Variants in ACTL7A observed in about 807,000 individuals in gnomAD.
The protein encoded by ACTL7A is actin like 7A, also known as actin-like protein 7A.
ACTL7A carries 27 observed loss-of-function variants against 30.3 expected under a neutral mutation model. The observed-to-expected ratio is 0.89, with a 90% CI of 0.66 to 1.23. The LOEUF is 1.23. Among genes scored for constraint, ACTL7A ranks in the 50% most tolerant of loss-of-function variants. The probability of loss-of-function intolerance (pLI) is 0.00; values close to 1 mark genes in which losing one functional copy is unlikely to be tolerated. For missense variants in ACTL7A, 566 were observed against 571.8 expected (o/e 0.99, Z 0.10); for synonymous variants, 259 against 241.4 (o/e 1.07, Z -0.67).
rs1827173607 is a variant in ACTL7A, at chr9:108,862,352, G to A, written c.30G>A (p.Gly10=). The part of the protein sequence containing the change: MWAPPAAIM[G]DGPTKKVGNQ... ...GGGCTCCACCAGCAGCAATCATGGG[G>A]GATGGGCCCACCAAGAAGGTGGGCA... The change falls in exon 1 of 1, where the codon GGG becomes GGA. Residue 10 remains glycine (G), a synonymous_variant. Coordinates refer to ENST00000333999, the MANE Select transcript of ACTL7A (RefSeq NM_006687.4). 1.2e-6 allele frequency: 2 copies of A among 1,613,148 alleles called. No individual in the cohort carries two copies. The highest frequency in any genetic ancestry group is 1.7e-5 in the Admixed American group (1 of 59,866).
chr9:108,863,386 T>C lies in ACTL7A; in HGVS notation c.1064T>C (p.Met355Thr). Residue 355 changes from methionine to threonine, a missense_variant, in exon 1 of 1, where the codon ATG (methionine) becomes ACG (threonine). Transcript: ENST00000333999. ...GACATCGCCCTCAAACGGGACCTCATGGGGAACATCCTGCTCTGCGGGGGC... is the reference window on the plus strand; with the variant it reads ...GACATCGCCCTCAAACGGGACCTCACGGGGAACATCCTGCTCTGCGGGGGC... ...KCDIALKRDLMGNILLCGGST... is the reference protein window; with the variant it reads ...KCDIALKRDLTGNILLCGGST... 2 of 1,614,156 alleles carry C rather than the reference T, an allele frequency of 1.2e-6. No homozygotes were observed. The highest frequency in any genetic ancestry group is 1.7e-6 in the Non-Finnish European group (2 of 1,180,018).
chr9:108,862,396 C>T lies in ACTL7A; in HGVS notation c.74C>T (p.Thr25Ile). ...KKVGNQAPLQ[T>I]QALQTASLRD... ...GTGGGCAACCAGGCCCCCCTGCAGA[C>T]ACAGGCCCTCCAGACTGCCTCTTTA... The change falls in exon 1 of 1, where the codon ACA becomes ATA. Residue 25 changes from threonine (T) to isoleucine (I), a missense_variant. By Grantham distance (89) the Thr-to-Ile change is moderately conservative. Coordinates refer to ENST00000333999, the MANE Select transcript of ACTL7A (RefSeq NM_006687.4). The T allele has an allele frequency of 6.2e-7, 1 of 1,614,102 alleles. No individual in the cohort carries two copies. Among genetic ancestry groups the T allele is most frequent in the Middle Eastern group, 1.6e-4 (1 of 6,062 alleles).
chr9:108,862,970 G>A lies in ACTL7A; in HGVS notation c.648G>A (p.Val216=), dbSNP rs746348823. The A allele has an allele frequency of 1.2e-5, 20 of 1,609,392 alleles. No homozygotes were observed. The highest frequency in any genetic ancestry group is 1.5e-5 in the Non-Finnish European group (18 of 1,177,170). Reference sequence around the variant, plus strand: ...CCTATGGAAGGACCTCCGGCCTGGTGGTGGAGGTGGGCCATGGCGTGTCCT... The same window carrying A: ...CCTATGGAAGGACCTCCGGCCTGGTAGTGGAGGTGGGCCATGGCGTGTCCT... ...MYSYGRTSGL[V]VEVGHGVSYV... Residue 216 remains valine (V), a synonymous_variant, in exon 1 of 1, where the codon GTG becomes GTA. Coordinates refer to ENST00000333999, the MANE Select transcript of ACTL7A (RefSeq NM_006687.4).
rs774093609 is a variant in ACTL7A, at chr9:108,863,091, C to A, written c.769C>A (p.Leu257Met). 2 of 1,614,136 alleles carry A rather than the reference C, an allele frequency of 1.2e-6. No homozygotes were observed. Among genetic ancestry groups the A allele is most frequent in the Admixed American group, 3.3e-5 (2 of 60,018 alleles). The change falls in exon 1 of 1, where the codon CTG (leucine) becomes ATG (methionine). Residue 257 changes from leucine to methionine, a missense_variant. By Grantham distance (15) the Leu-to-Met change is conservative (BLOSUM62 2). Transcript: ENST00000333999. ...SDLTAYLLGL[L>M]NSAGNEFTQD... Reference sequence around the variant, plus strand: ...CCTGACAGCCTACCTGCTGGGCCTGCTGAACAGTGCGGGGAACGAATTCAC... The same window carrying A: ...CCTGACAGCCTACCTGCTGGGCCTGATGAACAGTGCGGGGAACGAATTCAC...
chr9:108,863,698 CAG>C lies in ACTL7A; in HGVS notation c.*69_*70del, dbSNP rs886621305. The C allele has an allele frequency of 6.5e-5, 94 of 1,451,486 alleles. No individual in the cohort carries two copies. Among genetic ancestry groups the C allele is most frequent in the African/African-American group, 9.9e-5 (7 of 71,048 alleles). 89.9% of individuals were successfully genotyped at this position (1,451,486 alleles called of 1,614,324 possible). Reference sequence around the variant, plus strand: ...GACAGGGTGAGCGCACTCCTACACACAGGGGGTGGAGCCGGCGCTTATTCCTG... The same window carrying C: ...GACAGGGTGAGCGCACTCCTACACACGGGGTGGAGCCGGCGCTTATTCCTG... On this transcript the variant is annotated 3_prime_UTR_variant, in exon 1 of 1. Coordinates refer to ENST00000333999, the MANE Select transcript of ACTL7A (RefSeq NM_006687.4).
exon 1 of ACTL7A, chr9:108,863,754 CCA>C: frequency 1.2e-6 from 1 of 851,204 alleles, no homozygotes; most frequent in Non-Finnish European, 1.8e-6. Context: ...ATATGCCCCT[CCA>C]CAGTGTGTTT....
chr9:108,863,502 G>T lies in ACTL7A; in HGVS notation c.1180G>T (p.Glu394Ter). The T allele has an allele frequency of 1.2e-6, 2 of 1,614,232 alleles. No individual in the cohort carries two copies. Among genetic ancestry groups the T allele is most frequent in the Non-Finnish European group, 1.7e-6 (2 of 1,180,046 alleles). Residue 394 changes from glutamate (E) to a stop codon, truncating the protein, a stop_gained, in exon 1 of 1, where the codon GAA becomes TAA. Coordinates refer to ENST00000333999, the MANE Select transcript of ACTL7A (RefSeq NM_006687.4). LOFTEE classifies it high-confidence loss of function. ...NDTPQVNVLP[E>*]RDSAVWTGGS... is the part of the protein sequence containing the mutation. The stretch of plus-strand genomic sequence containing the variant: ...CACCCCGCAGGTAAACGTGCTGCCT[G>T]AAAGAGACAGTGCCGTGTGGACCGG...
rs763615233 is a variant in ACTL7A at position 108,863,376 on chromosome 9, C to T, written c.1054C>T (p.Arg352Trp). The T allele has an allele frequency of 1.4e-5, 23 of 1,614,200 alleles. No homozygotes were observed. The highest frequency in any genetic ancestry group is 1.7e-5 in the Non-Finnish European group (20 of 1,180,036). The change falls in exon 1 of 1, where the codon CGG becomes TGG. Residue 352 changes from arginine (R) to tryptophan (W), a missense_variant. Physicochemically the swap from Arg to Trp is moderately radical, Grantham distance 101 (BLOSUM62 -3). Coordinates refer to ENST00000333999, the MANE Select transcript of ACTL7A (RefSeq NM_006687.4). Reference protein sequence around the residue: ...CLNKCDIALKRDLMGNILLCG... With the variant: ...CLNKCDIALKWDLMGNILLCG... Reference sequence around the variant, plus strand: ...TAACAAGTGTGACATCGCCCTCAAACGGGACCTCATGGGGAACATCCTGCT... The same window carrying T: ...TAACAAGTGTGACATCGCCCTCAAATGGGACCTCATGGGGAACATCCTGCT...
rs150570578 is a variant in ACTL7A, at chr9:108,862,363, C to T, written c.41C>T (p.Thr14Ile). 3.6e-5 allele frequency: 58 copies of T among 1,613,484 alleles called. No individual in the cohort carries two copies. The highest frequency in any genetic ancestry group is 4.7e-5 in the Non-Finnish European group (56 of 1,179,928). Residue 14 changes from threonine to isoleucine, a missense_variant, in exon 1 of 1, where the codon ACC (threonine) becomes ATC (isoleucine). Thr to Ile is a moderately conservative substitution (Grantham distance 89, BLOSUM62 -1). Transcript: ENST00000333999. Reference protein sequence around the residue: ...PPAAIMGDGPTKKVGNQAPLQ... With the variant: ...PPAAIMGDGPIKKVGNQAPLQ... Reference sequence around the variant, plus strand: ...GCAGCAATCATGGGGGATGGGCCCACCAAGAAGGTGGGCAACCAGGCCCCC... The same window carrying T: ...GCAGCAATCATGGGGGATGGGCCCATCAAGAAGGTGGGCAACCAGGCCCCC...
At position 108,862,803 on chromosome 9, in the gene ACTL7A, G is replaced by A. The variant is rs35995497; in HGVS notation, c.481G>A (p.Ala161Thr). The A allele has an allele frequency of 5.0e-6, 8 of 1,613,912 alleles. No homozygotes were observed. Among genetic ancestry groups the A allele is most frequent in the African/African-American group, 2.7e-5 (2 of 74,890 alleles). Reference protein sequence around the residue: ...EYLFRQEMKIAPEEHAVLVSD... With the variant: ...EYLFRQEMKITPEEHAVLVSD... ...TCTCTTCCGACAAGAGATGAAGATC[G>A]CCCCGGAGGAGCATGCGGTCTTGGT... The change falls in exon 1 of 1, where the codon GCC (alanine) becomes ACC (threonine). Residue 161 changes from alanine (A) to threonine (T), a missense_variant. Coordinates refer to ENST00000333999, the MANE Select transcript of ACTL7A (RefSeq NM_006687.4).
chr9:108,862,891 C>G lies in ACTL7A; in HGVS notation c.569C>G (p.Ala190Gly), dbSNP rs370929490. 1 of 1,612,034 alleles carries G rather than the reference C, an allele frequency of 6.2e-7. No individual in the cohort carries two copies. Among genetic ancestry groups the G allele is most frequent in the South Asian group, 1.1e-5 (1 of 90,650 alleles). Reference protein sequence around the residue: ...REKYAEMLFEAFNTPAMHIAY... With the variant: ...REKYAEMLFEGFNTPAMHIAY... ...AAATATGCTGAAATGCTGTTTGAAGCCTTCAACACCCCTGCAATGCACATC... is the reference window on the plus strand; with the variant it reads ...AAATATGCTGAAATGCTGTTTGAAGGCTTCAACACCCCTGCAATGCACATC... The change falls in exon 1 of 1, where the codon GCC becomes GGC. Residue 190 changes from alanine to glycine, a missense_variant. Physicochemically the swap from Ala to Gly is moderately conservative, Grantham distance 60. Transcript: ENST00000333999.
rs141022050 is a variant in ACTL7A at position 108,862,700 on chromosome 9, C to T, written c.378C>T (p.Asn126=). The T allele has an allele frequency of 9.8e-4, 1,586 of 1,614,182 alleles. No individual in the cohort carries two copies. The highest frequency in any genetic ancestry group is 1.1e-3 in the Non-Finnish European group (1,254 of 1,180,038). The change falls in exon 1 of 1, where the codon AAC becomes AAT. Residue 126 remains asparagine (N), a synonymous_variant. Coordinates refer to ENST00000333999, the MANE Select transcript of ACTL7A (RefSeq NM_006687.4). ...TGGGGCAGGAACTCAACAACACAAA[C>T]GTTCATCTCAAGCTGGTTAACCCTC... ...TFVGQELNNT[N]VHLKLVNPLR...
At position 108,862,981 on chromosome 9, in the gene ACTL7A, G is replaced by C. The variant is rs1293392277; in HGVS notation, c.659G>C (p.Gly220Ala). 1.2e-6 allele frequency: 2 copies of C among 1,609,840 alleles called. No homozygotes were observed. The highest frequency in any genetic ancestry group is 4.5e-5 in the East Asian group (2 of 44,796). Residue 220 changes from glycine (G) to alanine (A), a missense_variant, in exon 1 of 1, where the codon GGC becomes GCC. Gly to Ala is a moderately conservative substitution (Grantham distance 60, BLOSUM62 0). Transcript: ENST00000333999. ...GRTSGLVVEV[G>A]HGVSYVVPIY... ...ACCTCCGGCCTGGTGGTGGAGGTGGGCCATGGCGTGTCCTACGTGGTCCCC... is the reference window on the plus strand; with the variant it reads ...ACCTCCGGCCTGGTGGTGGAGGTGGCCCATGGCGTGTCCTACGTGGTCCCC...
At position 108,862,350 on chromosome 9, in the gene ACTL7A, G is replaced by T. The variant is rs867346152; in HGVS notation, c.28G>T (p.Gly10Trp). The stretch of plus-strand genomic sequence containing the variant: ...GTGGGCTCCACCAGCAGCAATCATG[G>T]GGGATGGGCCCACCAAGAAGGTGGG... MWAPPAAIMGDGPTKKVGNQ... is the reference protein window; with the variant it reads MWAPPAAIMWDGPTKKVGNQ... Residue 10 changes from glycine to tryptophan, a missense_variant, in exon 1 of 1, where the codon GGG becomes TGG. Physicochemically the swap from Gly to Trp is radical, Grantham distance 184 (BLOSUM62 -2). Transcript: ENST00000333999. The T allele has an allele frequency of 1.2e-6, 2 of 1,612,490 alleles. No homozygotes were observed. Among genetic ancestry groups the T allele is most frequent in the East Asian group, 2.2e-5 (1 of 44,850 alleles).
Position 108,863,312 on chromosome 9 carries a change from C to T in ACTL7A, c.990C>T (p.Ser330=). The change falls in exon 1 of 1, where the codon TCC becomes TCT. Residue 330 remains serine, a synonymous_variant. Coordinates refer to ENST00000333999, the MANE Select transcript of ACTL7A (RefSeq NM_006687.4). ...TCTTCAAGCCATCTCTCATCAAGTC[C>T]ATGCAGCTGGGCCTCCACACCCAAA... is the stretch of plus-strand genomic sequence containing the variant. The part of the protein sequence containing the change: ...EMFFKPSLIK[S]MQLGLHTQTV... 1.2e-6 allele frequency: 2 copies of T among 1,614,178 alleles called. No individual in the cohort carries two copies. Among genetic ancestry groups the T allele is most frequent in the Non-Finnish European group, 1.7e-6 (2 of 1,180,032 alleles).
Position 108,862,284 on chromosome 9 carries a change from G to C in ACTL7A, c.-39G>C. 6.5e-7 allele frequency: 1 copy of C among 1,548,462 alleles called. No homozygotes were observed. Among genetic ancestry groups the C allele is most frequent in the Non-Finnish European group, 8.7e-7 (1 of 1,149,538 alleles). Reference sequence around the variant, plus strand: ...GCCTTTCAGGCCTTGAATCCAGTGGGATTGAGAACTTTCTAAGAGTGGTGC... The same window carrying C: ...GCCTTTCAGGCCTTGAATCCAGTGGCATTGAGAACTTTCTAAGAGTGGTGC... On this transcript the variant is annotated 5_prime_UTR_variant, in exon 1 of 1. Coordinates refer to ENST00000333999, the MANE Select transcript of ACTL7A (RefSeq NM_006687.4).
At position 108,863,236 on chromosome 9, in the gene ACTL7A, A is replaced by C; in HGVS notation, c.914A>C (p.Asp305Ala). ...CATACGATCCGCTACGTGCTGCCGG[A>C]TGGGAAGGAGATTCAGCTGTGCCAG... is the stretch of plus-strand genomic sequence containing the variant. ...SEHTIRYVLPDGKEIQLCQER... is the reference protein window; with the variant it reads ...SEHTIRYVLPAGKEIQLCQER... The change falls in exon 1 of 1, where the codon GAT becomes GCT. Residue 305 changes from aspartate (D) to alanine (A), a missense_variant. Coordinates refer to ENST00000333999, the MANE Select transcript of ACTL7A (RefSeq NM_006687.4). 8 of 1,614,100 alleles carry C rather than the reference A, an allele frequency of 5.0e-6. No homozygotes were observed. Among genetic ancestry groups the C allele is most frequent in the Non-Finnish European group, 6.8e-6 (8 of 1,180,014 alleles).
chr9:108,862,705 A>G lies in ACTL7A; in HGVS notation c.383A>G (p.His128Arg), dbSNP rs35760246. 90 of 1,614,084 alleles carry G rather than the reference A, an allele frequency of 5.6e-5. 1 individual carries two copies. In the South Asian group the frequency reaches 6.3e-4, roughly 11 times the overall value. ...VGQELNNTNVHLKLVNPLRHG... is the reference protein window; with the variant it reads ...VGQELNNTNVRLKLVNPLRHG... ...CAGGAACTCAACAACACAAACGTTC[A>G]TCTCAAGCTGGTTAACCCTCTGCGA... Residue 128 changes from histidine (H) to arginine (R), a missense_variant, in exon 1 of 1, where the codon CAT (histidine) becomes CGT (arginine). Transcript: ENST00000333999.
Position 108,863,459 on chromosome 9 carries a change from C to T in ACTL7A, c.1137C>T (p.Ser379=). ...CTAACCGTCTGCAGAAGGAGCTAAG[C>T]AGCATGTGTCCCAATGACACCCCGC... The part of the protein sequence containing the change: ...GFPNRLQKEL[S]SMCPNDTPQV... Residue 379 remains serine, a synonymous_variant, in exon 1 of 1, where the codon AGC becomes AGT. Coordinates refer to ENST00000333999, the MANE Select transcript of ACTL7A (RefSeq NM_006687.4). 1.1e-5 allele frequency: 17 copies of T among 1,614,174 alleles called. No individual in the cohort carries two copies. The highest frequency in any genetic ancestry group is 1.4e-5 in the Non-Finnish European group (16 of 1,180,036).
Sources: gnomAD v4.1 joint callset for allele counts on GRCh38, gnomAD v4.1.1 for gene constraint, MANE v1.5 for transcripts, NCBI Gene and HGNC (gene_info 2026-07-23, HGNC 2026-07-21) for gene names.